NTN4: variants seen among roughly 807,000 people sequenced by gnomAD.
NTN4 encodes the protein netrin-4.
NTN4 carries 32 observed loss-of-function variants against 73.6 expected under a neutral mutation model. The observed-to-expected ratio is 0.44, with a 90% CI of 0.33 to 0.58. NTN4 has a LOEUF of 0.58. Among genes scored for constraint, NTN4 ranks in the 20% least tolerant of loss-of-function variants. NTN4 has a pLI of 0.04. For synonymous variants in NTN4, 258 were observed against 287.5 expected, an observed-to-expected ratio of 0.90 and a Z score of 1.04; for missense variants, 654 against 798.3, an observed-to-expected ratio of 0.82 and a Z score of 2.18.
intron 7 of NTN4, among the ~76,000 whole-genome samples, chr12:95,681,395 G>A (rs1380979416): frequency 1.3e-5 from 2 of 152,136 alleles, no homozygotes; most frequent in Non-Finnish European, 2.9e-5. Context: ...TAACCTAAAT[G>A]AGAATATGAA....
At chr12:95,687,811 C>T (rs2078373353) in intron 5 of NTN4, among the ~76,000 whole-genome samples, 1 of 152,080 alleles carries the variant, frequency 6.6e-6, no homozygotes, top group Admixed American at 6.6e-5. Context: ...GTCTTTGGGG[C>T]CCCAGAACAG....
chr12:95,666,002 T>C (rs2078176733), intron 8 of NTN4, 22 bp from the exon 9 acceptor site: 6 of 1,538,638 alleles, frequency 3.9e-6, no homozygotes, highest in Admixed American at 3.6e-5. Context: ...GAAGTCAAAA[T>C]GCATAGAATT....
intron 5 of NTN4, among the ~76,000 whole-genome samples, chr12:95,698,824 T>G (rs1225615701): frequency 4.0e-5 from 6 of 151,818 alleles, no homozygotes; most frequent in Non-Finnish European, 8.8e-5. Flanking sequence ...GACACTGCAC[T>G]CCAGCCTGTG....
At chr12:95,722,051 T>C (rs1454388865) in intron 3 of NTN4, among the ~76,000 whole-genome samples, 1 of 151,938 alleles carries the variant, frequency 6.6e-6, no homozygotes, top group Non-Finnish European at 1.5e-5. Flanking sequence ...CTGCTTAAAG[T>C]TGTGATTCAG....
chr12:95,753,037 C>G (rs2078921926), intron 2 of NTN4, among the ~76,000 whole-genome samples: 1 of 152,138 alleles, frequency 6.6e-6, no homozygotes, highest in African/African-American at 2.4e-5. Context: ...ATTCCTGATA[C>G]CACACCTGAC....
At chr12:95,782,356 C>T (rs1056309410) in intron 2 of NTN4, among the ~76,000 whole-genome samples, 17 of 151,476 alleles carry the variant, frequency 1.1e-4, no homozygotes, top group East Asian at 3.9e-4. Flanking sequence ...GGTGCAGGGG[C>T]GTGATCTCGG....
Position 95,790,392 on chromosome 12 carries a change from G to C in NTN4, c.-83C>G. The C allele has an allele frequency of 8.3e-7, 1 of 1,205,402 alleles. No individual in the cohort carries two copies. Among genetic ancestry groups the C allele is most frequent in the Non-Finnish European group, 1.1e-6 (1 of 885,862 alleles). 74.7% of individuals were successfully genotyped at this position (1,205,402 alleles called of 1,614,324 possible). ...CTGGGCTGCGGGATGAAGCGCCGCC[G>C]TCCTCGGGAGGGAACGGGGCCCTGG... On this transcript the variant is annotated 5_prime_UTR_variant, in exon 1 of 10. Coordinates refer to ENST00000343702, the MANE Select transcript of NTN4 (RefSeq NM_021229.4). This position sits in a 1 kb window ranked among gnomAD's most constrained non-coding sequence, Gnocchi z 6.5.
intron 3 of NTN4, among the ~76,000 whole-genome samples, chr12:95,732,260 CCTTT>C (rs904880336): frequency 1.3e-4 from 20 of 149,792 alleles, no homozygotes; most frequent in Non-Finnish European, 2.8e-4. Context: ...TTCTTTCTCT[CCTTT>C]CTTTCTCTCT....
chr12:95,709,227 C>T (rs2078544153), intron 5 of NTN4, among the ~76,000 whole-genome samples: 1 of 152,122 alleles, frequency 6.6e-6, no homozygotes, highest in Admixed American at 6.5e-5. Flanking sequence ...TTCTTCCTGT[C>T]ACTGTTTTTG....
intron 5 of NTN4, among the ~76,000 whole-genome samples, chr12:95,700,079 G>GTTTTTTTTTTTTTTTTT (rs1565888823): frequency 1.2e-5 from 1 of 86,292 alleles, no homozygotes; most frequent in Non-Finnish European, 2.5e-5. Context: ...CTAAAGTGAG[G>GTTTTTTTTTTTTTTTTT]ATTTTTTTTT....
intron 4 of NTN4, among the ~76,000 whole-genome samples, chr12:95,712,095 C>T (rs2121088595): frequency 6.6e-6 from 1 of 152,298 alleles, no homozygotes; most frequent in South Asian, 2.1e-4. Flanking sequence ...CCCACAGAAC[C>T]TGCTTTTAAA....
chr12:95,665,637 A>C, intron 9 of NTN4, 173 bp downstream of exon 9: 1 of 498,644 alleles, frequency 2.0e-6, no homozygotes, highest in Non-Finnish European at 3.5e-6. Flanking sequence ...GAAGAGAAAT[A>C]ATTTTTCGAT....
intron 2 of NTN4, among the ~76,000 whole-genome samples, chr12:95,757,688 CAA>C (rs58691121): frequency 1.9e-4 from 19 of 97,608 alleles, no homozygotes; most frequent in East Asian, 2.9e-4. Flanking sequence ...AAAAATAATA[CAA>C]AAAAAAAAAA....
chr12:95,739,183 T>C (rs1029084536), intron 2 of NTN4, among the ~76,000 whole-genome samples: 2 of 152,238 alleles, frequency 1.3e-5, no homozygotes, highest in African/African-American at 4.8e-5. Flanking sequence ...TAATTTAACA[T>C]TGTTCTTGGC....
At chr12:95,784,544 G>A (rs550533636) in intron 2 of NTN4, among the ~76,000 whole-genome samples, 31 of 152,144 alleles carry the variant, frequency 2.0e-4, no homozygotes, top group African/African-American at 6.0e-4. Flanking sequence ...CGAGGAGGGC[G>A]GATCACTAGG....
rs56063223 is a variant in NTN4, at chr12:95,700,080, A to ATTTTTTTTTTTTT, written c.1180+10348_1180+10360dup. Among the ~76,000 whole-genome samples, 27 of 41,820 alleles carry ATTTTTTTTTTTTT rather than the reference A, an allele frequency of 6.5e-4. 6 individuals carry two copies. The highest frequency in any genetic ancestry group is 7.7e-4 in the Non-Finnish European group (18 of 23,310). The allele number at this position is 41,820 out of a possible 152,430, so 27.4% of individuals were successfully genotyped here. A position where few individuals can be genotyped will look rare whatever the true frequency, so the allele number is the denominator to read the frequency against. ...AACAGTGTATTCTTCTAAAGTGAGG[A>ATTTTTTTTTTTTT]TTTTTTTTTTTTTTTTTTTTTTTTT... On this transcript the variant is annotated intron_variant, in intron 5 of 9. Transcript: ENST00000343702.
intron 8 of NTN4, among the ~76,000 whole-genome samples, chr12:95,668,697 A>T (rs1458694014): frequency 6.6e-6 from 1 of 152,214 alleles, no homozygotes; most frequent in Non-Finnish European, 1.5e-5. Flanking sequence ...ATAGACCAAT[A>T]AAAAGTCTCA....
intron 7 of NTN4, among the ~76,000 whole-genome samples, chr12:95,671,358 T>G (rs2078228802): frequency 1.3e-5 from 2 of 152,272 alleles, no homozygotes; most frequent in South Asian, 4.2e-4. Flanking sequence ...TGGTACTGGT[T>G]TGTGGCCTGT....
chr12:95,727,326 C>G (rs1310670744), intron 3 of NTN4, among the ~76,000 whole-genome samples: 1 of 152,136 alleles, frequency 6.6e-6, no homozygotes, highest in African/African-American at 2.4e-5. Flanking sequence ...ATTCTGGATA[C>G]CAGAACTTTT....
Sources: allele counts gnomAD v4.1 joint callset (sites outside exome capture counted in the v4.1 genomes callset), GRCh38; gene constraint gnomAD v4.1.1; non-coding constraint Gnocchi (gnomAD v3.1); transcripts MANE v1.5; gene names NCBI Gene and HGNC (gene_info 2026-07-23, HGNC 2026-07-21).